The following TMEM163 variants were observed in gnomAD, a reference collection of about 807,000 sequenced individuals.
TMEM163 encodes transmembrane protein 163.
Under a neutral mutation model 29.3 loss-of-function variants are expected in TMEM163, and 17 were observed. That is an observed-to-expected ratio of 0.58 (90% CI 0.40 to 0.87). The LOEUF (loss-of-function observed/expected upper bound fraction) is 0.87, where lower values mean the gene tolerates loss of function less well. Among genes scored for constraint, TMEM163 ranks in the 40% least tolerant of loss-of-function variants. The pLI, the probability that TMEM163 is intolerant of heterozygous loss-of-function variation, is 0.00. For synonymous variants in TMEM163, 157 were observed against 160.6 expected, an observed-to-expected ratio of 0.98 and a Z score of 0.17; for missense variants, 303 against 381.5, an observed-to-expected ratio of 0.79 and a Z score of 1.71.
intron 2 of TMEM163, among the ~76,000 whole-genome samples, chr2:134,586,813 A>G (rs570808361): frequency 6.6e-6 from 1 of 152,328 alleles, no homozygotes; most frequent in African/African-American, 2.4e-5. Context: ...AACCACAGAA[A>G]TGTAGCAAGT....
intron 1 of TMEM163, among the ~76,000 whole-genome samples, chr2:134,714,867 A>G (rs1685004035): frequency 1.3e-5 from 2 of 152,192 alleles, no homozygotes; most frequent in Admixed American, 1.3e-4. Flanking sequence ...CCCTTTGTCT[A>G]TATCTTCCTT....
At chr2:134,602,494 A>G (rs994627916) in intron 2 of TMEM163, among the ~76,000 whole-genome samples, 5 of 152,092 alleles carry the variant, frequency 3.3e-5, no homozygotes, top group Non-Finnish European at 1.5e-5. Flanking sequence ...AAGTGGTGTG[A>G]GTGAGACACT....
intron 4 of TMEM163, among the ~76,000 whole-genome samples, chr2:134,544,346 T>C (rs994659317): frequency 6.6e-6 from 1 of 152,224 alleles, no homozygotes; most frequent in South Asian, 2.1e-4. Context: ...GTATCCACTC[T>C]TCTCGTTTCC....
At chr2:134,647,060 G>C in intron 2 of TMEM163, among the ~76,000 whole-genome samples, 1 of 152,266 alleles carries the variant, frequency 6.6e-6, no homozygotes, top group South Asian at 2.1e-4. Context: ...AGACAGGCTC[G>C]GGAAATCCAG....
chr2:134,595,119 TA>T (rs1682041759), intron 2 of TMEM163, among the ~76,000 whole-genome samples: 1 of 151,766 alleles, frequency 6.6e-6, no homozygotes, highest in African/African-American at 2.4e-5. Context: ...TTTATATATA[TA>T]TTTTTTATTA....
intron 2 of TMEM163, among the ~76,000 whole-genome samples, chr2:134,696,716 A>G (rs556820409): frequency 6.6e-6 from 1 of 152,278 alleles, no homozygotes; most frequent in East Asian, 1.9e-4. Flanking sequence ...TGATTTTAGT[A>G]TATTAAACTT....
intron 2 of TMEM163, among the ~76,000 whole-genome samples, chr2:134,556,348 G>C (rs927414329): frequency 6.6e-6 from 1 of 152,188 alleles, no homozygotes; most frequent in African/African-American, 2.4e-5. Flanking sequence ...CCATGCCCAA[G>C]ATTTTAATGC....
intron 2 of TMEM163, among the ~76,000 whole-genome samples, chr2:134,561,984 G>A (rs1487867810): frequency 6.6e-6 from 1 of 152,238 alleles, no homozygotes; most frequent in Non-Finnish European, 1.5e-5. Flanking sequence ...CTTTAGCCCA[G>A]TAAGTAAAGC....
At chr2:134,561,394 G>A (rs908207672) in intron 2 of TMEM163, among the ~76,000 whole-genome samples, 1 of 149,900 alleles carries the variant, frequency 6.7e-6, no homozygotes, top group Non-Finnish European at 1.5e-5. Context: ...TTTTTTAGTG[G>A]AGACAGGGTT....
intron 4 of TMEM163, among the ~76,000 whole-genome samples, chr2:134,513,946 G>A (rs1206497479): frequency 6.6e-6 from 1 of 152,222 alleles, no homozygotes; most frequent in Non-Finnish European, 1.5e-5. Context: ...ACCCCTGGGT[G>A]TAGCCAGGCT....
intron 4 of TMEM163, among the ~76,000 whole-genome samples, chr2:134,507,179 A>G (rs4954151): frequency 0.12 from 18,997 of 152,058 alleles, 1,292 homozygotes; most frequent in South Asian, 0.2. Context: ...TCTACTAAAA[A>G]TACAAAATTA....
chr2:134,542,097 T>C lies in TMEM163; in HGVS notation c.458+8473A>G, dbSNP rs1680687709. Among the ~76,000 whole-genome samples the C allele has an allele frequency of 1.3e-5, 2 of 152,250 alleles. 1 individual carries two copies. Among genetic ancestry groups the C allele is most frequent in the South Asian group, 4.1e-4 (2 of 4,834 alleles). On this transcript the variant is annotated intron_variant, in intron 4 of 7. Transcript: ENST00000281924. ...TGCTGAAGTGTATGTCTGGGTTTTCTTACAATTTTATTACAAATTCTTTTA... is the reference window on the plus strand; with the variant it reads ...TGCTGAAGTGTATGTCTGGGTTTTCCTACAATTTTATTACAAATTCTTTTA...
intron 6 of TMEM163, among the ~76,000 whole-genome samples, chr2:134,464,468 T>C (rs981683781): frequency 2.2e-4 from 34 of 152,166 alleles, no homozygotes; most frequent in African/African-American, 8.2e-4. Context: ...GGTCAACTGA[T>C]GAGTATCTGG....
At chr2:134,503,790 T>C (rs189043927) in intron 4 of TMEM163, among the ~76,000 whole-genome samples, 193 of 151,988 alleles carry the variant, frequency 1.3e-3, no homozygotes, top group African/African-American at 4.5e-3. Flanking sequence ...GGGTGTGGCA[T>C]GGGGACTGGC....
intron 2 of TMEM163, among the ~76,000 whole-genome samples, chr2:134,677,563 C>T (rs1377062808): frequency 6.6e-6 from 1 of 152,036 alleles, no homozygotes; most frequent in East Asian, 1.9e-4. Context: ...CTTTCTGTCT[C>T]TGAAAAGTCT....
At position 134,680,358 on chromosome 2, in the gene TMEM163, A is replaced by G. The variant is rs1043138705; in HGVS notation, c.322+32842T>C. 3.5e-5 allele frequency among the ~76,000 whole-genome samples: 5 copies of G among 142,028 alleles called. No homozygotes were observed. In the East Asian group the frequency reaches 9.7e-4, roughly 28 times the overall value. 93.2% of individuals were successfully genotyped at this position (142,028 alleles called of 152,430 possible). A position where few individuals can be genotyped will look rare whatever the true frequency, so the allele number is the denominator to read the frequency against. On this transcript the variant is annotated intron_variant, in intron 2 of 7. Transcript: ENST00000281924. ...AAAGGATTTAACACACAAAAATGAG[A>G]CCTATAAAAAAAAAAAGCTCTGTAT...
intron 2 of TMEM163, among the ~76,000 whole-genome samples, chr2:134,615,044 G>GAC (rs1327097805): frequency 1.3e-5 from 2 of 151,448 alleles, no homozygotes; most frequent in African/African-American, 2.4e-5. Flanking sequence ...CATTAACATA[G>GAC]ACACACACAC....
At chr2:134,636,268 GT>G (rs1683102490) in intron 2 of TMEM163, among the ~76,000 whole-genome samples, 1 of 152,208 alleles carries the variant, frequency 6.6e-6, no homozygotes, top group Admixed American at 6.5e-5. Flanking sequence ...AAATCTAAAG[GT>G]GCTTTAATGG....
At chr2:134,475,813 T>TA (rs574833355) in intron 5 of TMEM163, among the ~76,000 whole-genome samples, 214 of 151,816 alleles carry the variant, frequency 1.4e-3, no homozygotes, top group Non-Finnish European at 2.4e-3. Flanking sequence ...TCACCAAAAT[T>TA]AAAAAAAAGA....
Sources: allele counts gnomAD v4.1 joint callset (sites outside exome capture counted in the v4.1 genomes callset), GRCh38; gene constraint gnomAD v4.1.1; transcripts MANE v1.5; gene names NCBI Gene and HGNC (gene_info 2026-07-23, HGNC 2026-07-21).